DESI2: variants seen among roughly 807,000 people sequenced by gnomAD.
DESI2 encodes desumoylating isopeptidase 2.
In DESI2, 10 loss-of-function variants were observed where a neutral mutation model predicts 24.1. That is an observed-to-expected ratio of 0.41 (90% confidence interval 0.26 to 0.70). DESI2 has a LOEUF of 0.70. DESI2 is among the 30% of genes least tolerant of loss of function. DESI2 has a pLI of 0.29. For missense variants in DESI2, 122 were observed against 234.9 expected (o/e 0.52, Z 3.14); for synonymous variants, 71 against 87.7 (o/e 0.81, Z 1.06).
chr1:244,700,911 T>C (rs1271635101), intron 4 of DESI2, among the ~76,000 whole-genome samples: 1 of 152,162 alleles, frequency 6.6e-6, no homozygotes, highest in Non-Finnish European at 1.5e-5. Context: ...TGTGACTTAA[T>C]AGATACAGTA....
At chr1:244,676,529 T>G (rs1676421671) in intron 1 of DESI2, among the ~76,000 whole-genome samples, 1 of 151,964 alleles carries the variant, frequency 6.6e-6, no homozygotes, top group African/African-American at 2.4e-5. Context: ...TTTTTTCCAG[T>G]TTGAATGCCT....
chr1:244,702,264 G>A (rs12046042), intron 4 of DESI2, among the ~76,000 whole-genome samples: 58,916 of 152,036 alleles, frequency 0.39, 12,990 homozygotes, highest in Middle Eastern at 0.51. Context: ...CTGTAATCCC[G>A]ACACTTTGGG....
At chr1:244,696,284 CAA>C (rs1417339840) in intron 4 of DESI2, among the ~76,000 whole-genome samples, 1 of 152,130 alleles carries the variant, frequency 6.6e-6, no homozygotes, top group African/African-American at 2.4e-5. Flanking sequence ...CAAATCTAAA[CAA>C]AAGTTCATAC....
intron 4 of DESI2, among the ~76,000 whole-genome samples, chr1:244,703,662 T>C (rs1336088473): frequency 3.5e-4 from 6 of 17,376 alleles, no homozygotes; most frequent in Non-Finnish European, 1.2e-3. Context: ...CATGTACACT[T>C]TTTTTTTTTT....
At position 244,708,253 on chromosome 1, in the gene DESI2, A is replaced by C. The variant is rs575726166; in HGVS notation, c.*2464A>C. 6.5e-6 allele frequency: 1 copy of C among 152,676 alleles called. No individual in the cohort carries two copies. The highest frequency in any genetic ancestry group is 1.5e-5 in the Non-Finnish European group (1 of 68,034). 9.5% of individuals were successfully genotyped at this position (152,676 alleles called of 1,614,324 possible). ...TTCTCATGGTGGGTTGGACAGTAAT[A>C]CATGTTAGAGGGTCAGAAGCTTCTG... is the stretch of plus-strand genomic sequence containing the variant. On this transcript the variant is annotated 3_prime_UTR_variant, in exon 5 of 5. Coordinates refer to ENST00000302550, the MANE Select transcript of DESI2 (RefSeq NM_016076.5).
Position 244,667,892 on chromosome 1 carries a change from C to T in DESI2, c.42+14537C>T, listed in dbSNP as rs186210179. ...ACACAAGCCATTGCTGGTGCTGAAG[C>T]GTAGTCACTCATTGTGTGATCTTGG... On this transcript the variant is annotated intron_variant, in intron 1 of 4. Coordinates refer to ENST00000302550, the MANE Select transcript of DESI2 (RefSeq NM_016076.5). 2.6e-3 allele frequency among the ~76,000 whole-genome samples: 398 copies of T among 152,296 alleles called. 2 individuals are homozygous for T. The highest frequency in any genetic ancestry group is 4.4e-3 in the Non-Finnish European group (297 of 68,028).
At chr1:244,704,804 G>A (rs551989960) in intron 4 of DESI2, among the ~76,000 whole-genome samples, 1 of 152,254 alleles carries the variant, frequency 6.6e-6, no homozygotes, top group South Asian at 2.1e-4. Context: ...GAATACAGGT[G>A]TGCACCACCA....
In DESI2 at chr1:244,706,786, T is replaced by C. The variant is rs1304312674; in HGVS notation, c.*997T>C. Reference sequence around the variant, plus strand: ...AAAGTAGTTCTTTGATATTTTATACTTTTTATGTACCATGTCAGAAAGAGT... The same window carrying C: ...AAAGTAGTTCTTTGATATTTTATACCTTTTATGTACCATGTCAGAAAGAGT... On this transcript the variant is annotated 3_prime_UTR_variant, in exon 5 of 5. Transcript: ENST00000302550. 6.6e-6 allele frequency: 1 copy of C among 152,612 alleles called. No individual in the cohort carries two copies. Among genetic ancestry groups the C allele is most frequent in the Non-Finnish European group, 1.5e-5 (1 of 68,042 alleles). The allele number at this position is 152,612 out of a possible 1,614,324, so 9.5% of individuals were successfully genotyped here.
intron 1 of DESI2, among the ~76,000 whole-genome samples, chr1:244,662,272 A>G (rs927694416): frequency 4.6e-5 from 7 of 152,126 alleles, no homozygotes; most frequent in African/African-American, 1.7e-4. Flanking sequence ...TTTCTAAATC[A>G]AGCTAATTTT....
chr1:244,682,838 G>A (rs1676666346), intron 1 of DESI2, among the ~76,000 whole-genome samples: 1 of 144,054 alleles, frequency 6.9e-6, no homozygotes, highest in Non-Finnish European at 1.5e-5. Context: ...ACAAAAGCAT[G>A]TATATAGTGT....
intron 1 of DESI2, among the ~76,000 whole-genome samples, chr1:244,664,621 CCAG>C (rs2148785960): frequency 6.6e-6 from 1 of 152,300 alleles, no homozygotes; most frequent in South Asian, 2.1e-4. Context: ...TTGCCTCAGC[CCAG>C]AAGGTCGAGG....
chr1:244,704,470 G>C (rs1224217137), intron 4 of DESI2, among the ~76,000 whole-genome samples: 1 of 152,170 alleles, frequency 6.6e-6, no homozygotes, highest in Non-Finnish European at 1.5e-5. Context: ...AGAGTCCTAA[G>C]GACAGTATAA....
At chr1:244,703,902 C>A (rs1223669795) in intron 4 of DESI2, among the ~76,000 whole-genome samples, 1 of 152,084 alleles carries the variant, frequency 6.6e-6, no homozygotes, top group Non-Finnish European at 1.5e-5. Context: ...TCATGATCTG[C>A]CCGCCTCGGC....
chr1:244,653,576 C>G (rs1675538017), intron 1 of DESI2: 1 of 531,924 alleles, frequency 1.9e-6, no homozygotes, highest in African/African-American at 2.0e-5. Context: ...TTGGCCAAAG[C>G]TCGGGTGGGC....
intron 4 of DESI2, among the ~76,000 whole-genome samples, chr1:244,700,041 C>G (rs1175430074): frequency 6.6e-6 from 1 of 152,214 alleles, no homozygotes; most frequent in East Asian, 1.9e-4. Flanking sequence ...CAGGTAGTCC[C>G]TCTGAAACAA....
chr1:244,684,183 T>C (rs1321977296), intron 1 of DESI2, among the ~76,000 whole-genome samples: 1 of 150,672 alleles, frequency 6.6e-6, no homozygotes, highest in Non-Finnish European at 1.5e-5. Context: ...TCTTTTACTA[T>C]AGTATAAAGA....
At chr1:244,686,789 G>C in intron 2 of DESI2, 120 bp downstream of exon 2, 1 of 594,528 alleles carries the variant, frequency 1.7e-6, no homozygotes, top group Non-Finnish European at 2.9e-6. Context: ...ACAGAAAGTA[G>C]AAGAAAATCT....
In DESI2 at chr1:244,686,731, A is replaced by T. The variant is rs1676838218; in HGVS notation, c.115+62A>T. ...ATTTTGTACTTTAAAAGAGTTGCAA[A>T]ATCATAACTATAGGTCTCTCTTTTT... On this transcript the variant is annotated intron_variant, in intron 2 of 4. Transcript: ENST00000302550. The T allele has an allele frequency of 3.9e-6, 4 of 1,038,322 alleles. No individual in the cohort carries two copies. The East Asian group carries it at 9.6e-5, about 25-fold the overall frequency. 64.3% of individuals were successfully genotyped at this position (1,038,322 alleles called of 1,614,324 possible). A position where few individuals can be genotyped will look rare whatever the true frequency, so the allele number is the denominator to read the frequency against.
intron 3 of DESI2, among the ~76,000 whole-genome samples, chr1:244,690,261 G>A (rs941365797): frequency 5.3e-5 from 8 of 152,016 alleles, no homozygotes; most frequent in African/African-American, 1.2e-4. Flanking sequence ...GATGTTCCCC[G>A]CCCTGTGTCC....
Sources: gnomAD v4.1 joint callset for allele counts (sites outside exome capture counted in the v4.1 genomes callset) on GRCh38, gnomAD v4.1.1 for gene constraint, MANE v1.5 for transcripts, NCBI Gene and HGNC (gene_info 2026-07-23, HGNC 2026-07-21) for gene names.